The following NRXN1 variants were observed in gnomAD, a reference collection of about 807,000 sequenced individuals.
The protein encoded by NRXN1 is neurexin 1.
NRXN1 carries 39 observed loss-of-function variants against 150.9 expected under a neutral mutation model. The ratio of observed to expected loss-of-function variants is 0.26; its 90% CI spans 0.20 to 0.34. NRXN1 has a LOEUF of 0.34. NRXN1 is among the 10% of genes least tolerant of loss of function. NRXN1 has a pLI of 1.00. For missense variants in NRXN1, 1,815 were observed against 1,949.9 expected, an observed-to-expected ratio of 0.93 and a Z score of 1.30; for synonymous variants, 924 against 757.0, an observed-to-expected ratio of 1.22 and a Z score of -3.62.
At chr2:50,218,249 C>T (rs1410065391) in intron 18 of NRXN1, among the ~76,000 whole-genome samples, 1 of 152,052 alleles carries the variant, frequency 6.6e-6, no homozygotes, top group Non-Finnish European at 1.5e-5. Context: ...TCCCAAGAAG[C>T]TAACAAGGTT....
intron 17 of NRXN1, among the ~76,000 whole-genome samples, chr2:50,460,714 G>A (rs1478276590): frequency 1.3e-5 from 2 of 151,954 alleles, no homozygotes; most frequent in African/African-American, 2.4e-5. Flanking sequence ...TACTTAGTAG[G>A]AAAAATATTT....
intron 17 of NRXN1, among the ~76,000 whole-genome samples, chr2:50,464,181 G>C (rs2088563171): frequency 6.6e-6 from 1 of 151,700 alleles, no homozygotes; most frequent in Non-Finnish European, 1.5e-5. Flanking sequence ...ATGATAGTTT[G>C]AATACATGTT....
Position 50,347,508 on chromosome 2 carries a change from C to G in NRXN1, c.3365-110538G>C, listed in dbSNP as rs2078113041. The G allele has an allele frequency of 5.7e-6, 6 of 1,052,338 alleles. No homozygotes were observed. Among genetic ancestry groups the G allele is most frequent in the South Asian group, 5.4e-5 (2 of 36,880 alleles). 65.2% of individuals were successfully genotyped at this position (1,052,338 alleles called of 1,614,324 possible). A position where few individuals can be genotyped will look rare whatever the true frequency, so the allele number is the denominator to read the frequency against. ...AGGCGCCCCTTCCCTCCATTCAGCCCCGGCCGGCTCGCCCGCTAGCGCCAG... is the reference window on the plus strand; with the variant it reads ...AGGCGCCCCTTCCCTCCATTCAGCCGCGGCCGGCTCGCCCGCTAGCGCCAG... On this transcript the variant is annotated intron_variant, in intron 17 of 22. Coordinates refer to ENST00000401669, the MANE Select transcript of NRXN1 (RefSeq NM_001330078.2). This position sits in a 1 kb window ranked among gnomAD's most constrained non-coding sequence, Gnocchi z 4.9.
intron 22 of NRXN1, among the ~76,000 whole-genome samples, chr2:49,930,912 C>G (rs575989921): frequency 1.3e-5 from 2 of 152,306 alleles, no homozygotes; most frequent in South Asian, 4.1e-4. Context: ...CTTTGAGAGG[C>G]TGAAGCCAGG....
rs1340539820 is a variant in NRXN1 at position 50,990,912 on chromosome 2, A to T, written c.772+36590T>A. Among the ~76,000 whole-genome samples the T allele has an allele frequency of 5.9e-5, 9 of 152,028 alleles. No individual in the cohort carries two copies. The East Asian group carries it at 1.8e-3, about 30-fold the overall frequency. ...AGTAACAACAGACAGAGCAAAGAAT[A>T]AAAGGAAAACAAGCACTTTGGGAGC... On this transcript the variant is annotated intron_variant, in intron 2 of 22. Coordinates refer to ENST00000401669, the MANE Select transcript of NRXN1 (RefSeq NM_001330078.2).
At chr2:50,183,100 A>G (rs918750018) in intron 18 of NRXN1, among the ~76,000 whole-genome samples, 5 of 152,112 alleles carry the variant, frequency 3.3e-5, no homozygotes, top group African/African-American at 1.2e-4. Flanking sequence ...GTTTCAGCCA[A>G]TTATAGAAGG....
At chr2:50,737,618 G>C (rs1306876755) in intron 5 of NRXN1, among the ~76,000 whole-genome samples, 3 of 152,072 alleles carry the variant, frequency 2.0e-5, no homozygotes, top group African/African-American at 7.2e-5. Context: ...AGGAGGTCAT[G>C]AATTTTTTTT....
At chr2:51,015,731 C>T (rs1486636556) in intron 2 of NRXN1, among the ~76,000 whole-genome samples, 1 of 151,770 alleles carries the variant, frequency 6.6e-6, no homozygotes. Flanking sequence ...TTTAATCCAA[C>T]CATTTTTAAC....
At chr2:50,064,184 A>G (rs1262517303) in intron 19 of NRXN1, among the ~76,000 whole-genome samples, 2 of 152,016 alleles carry the variant, frequency 1.3e-5, no homozygotes, top group East Asian at 1.9e-4. Context: ...CAGACACTAA[A>G]CTAAATAGAG....
chr2:50,584,512 T>C (rs1672785669), intron 8 of NRXN1, among the ~76,000 whole-genome samples: 1 of 152,202 alleles, frequency 6.6e-6, no homozygotes, highest in African/African-American at 2.4e-5. Context: ...AATTTTAAAA[T>C]TATTTACACT....
At chr2:50,956,649 G>C (rs940884335) in intron 2 of NRXN1, among the ~76,000 whole-genome samples, 9 of 152,158 alleles carry the variant, frequency 5.9e-5, no homozygotes, top group Admixed American at 1.3e-4. Context: ...TCAGGAGGCT[G>C]AGGCAGGAGA....
intron 15 of NRXN1, among the ~76,000 whole-genome samples, chr2:50,479,767 C>T (rs374929031): frequency 2.4e-4 from 19 of 79,854 alleles, no homozygotes; most frequent in African/African-American, 3.1e-4. Flanking sequence ...ATTTCTTTTT[C>T]TTTTTTTTTT....
At chr2:50,069,226 C>A (rs1477164780) in intron 19 of NRXN1, among the ~76,000 whole-genome samples, 1 of 152,192 alleles carries the variant, frequency 6.6e-6, no homozygotes, top group Non-Finnish European at 1.5e-5. Flanking sequence ...TGCCTTAACT[C>A]TTCTTTTTGC....
chr2:50,718,034 T>A (rs1696093148), intron 5 of NRXN1, among the ~76,000 whole-genome samples: 1 of 152,158 alleles, frequency 6.6e-6, no homozygotes, highest in African/African-American at 2.4e-5. Flanking sequence ...CTCTTCACTT[T>A]TCTCAGCCAG....
At position 50,181,003 on chromosome 2, in the gene NRXN1, GT is replaced by G. The variant is rs1338466220; in HGVS notation, c.3546+55785del. Among the ~76,000 whole-genome samples the G allele has an allele frequency of 4.6e-5, 7 of 151,912 alleles. No individual in the cohort carries two copies. In the East Asian group the frequency reaches 5.8e-4, roughly 13 times the overall value. ...ATTAGGGGTTTTCTTTTATATTTGTGTTTTCCAATTTTTCTTTAAGGAGGAT... is the reference window on the plus strand; with the variant it reads ...ATTAGGGGTTTTCTTTTATATTTGTGTTTCCAATTTTTCTTTAAGGAGGAT... On this transcript the variant is annotated intron_variant, in intron 18 of 22. Coordinates refer to ENST00000401669, the MANE Select transcript of NRXN1 (RefSeq NM_001330078.2).
chr2:50,066,689 G>C (rs1045895444), intron 19 of NRXN1, among the ~76,000 whole-genome samples: 2 of 151,926 alleles, frequency 1.3e-5, no homozygotes, highest in African/African-American at 4.8e-5. Context: ...AAATATTCAT[G>C]TCACGAACCA....
chr2:51,023,475 C>T (rs534652351), intron 2 of NRXN1, among the ~76,000 whole-genome samples: 1 of 152,296 alleles, frequency 6.6e-6, no homozygotes, highest in South Asian at 2.1e-4. Flanking sequence ...CTGATTAATA[C>T]TTTTCCTCTG....
At chr2:51,003,178 G>C (rs1163825004) in intron 2 of NRXN1, among the ~76,000 whole-genome samples, 1 of 151,850 alleles carries the variant, frequency 6.6e-6, no homozygotes, top group Non-Finnish European at 1.5e-5. Flanking sequence ...GAAAGTCTTG[G>C]AGGAACTACT....
intron 18 of NRXN1, among the ~76,000 whole-genome samples, chr2:50,112,923 C>T (rs973308138): frequency 3.9e-5 from 6 of 152,112 alleles, no homozygotes; most frequent in Non-Finnish European, 7.4e-5. Flanking sequence ...AAACTCTTTG[C>T]TTTTTGGAAC....
Sources: allele counts gnomAD v4.1 joint callset (sites outside exome capture counted in the v4.1 genomes callset), GRCh38; gene constraint gnomAD v4.1.1; non-coding constraint Gnocchi (gnomAD v3.1); transcripts MANE v1.5; gene names NCBI Gene and HGNC (gene_info 2026-07-23, HGNC 2026-07-21).